NXPE3: variants seen among roughly 807,000 people sequenced by gnomAD.
NXPE3 encodes the protein neurexophilin and PC-esterase domain family member 3.
NXPE3 carries 26 observed loss-of-function variants against 46.1 expected under a neutral mutation model. The observed-to-expected ratio is 0.56, with a 90% confidence interval of 0.41 to 0.78. The LOEUF is 0.78. Among genes scored for constraint, NXPE3 ranks in the 30% least tolerant of loss-of-function variants. The pLI is 0.00. For missense variants in NXPE3, 620 were observed against 686.0 expected, an observed-to-expected ratio of 0.90 and a Z score of 1.07; for synonymous variants, 272 against 257.9, an observed-to-expected ratio of 1.05 and a Z score of -0.52.
At chr3:101,791,322 T>C (rs191804220) in intron 4 of NXPE3, among the ~76,000 whole-genome samples, 2 of 152,350 alleles carry the variant, frequency 1.3e-5, no homozygotes, top group Admixed American at 6.5e-5. Context: ...ATATGTAATA[T>C]AAGATTTTCT....
At chr3:101,794,825 C>G (rs560953764) in intron 4 of NXPE3, among the ~76,000 whole-genome samples, 40 of 152,276 alleles carry the variant, frequency 2.6e-4, no homozygotes, top group Non-Finnish European at 4.6e-4. Flanking sequence ...TACTTTAGTT[C>G]TTGGAAACTT....
Position 101,801,904 on chromosome 3 carries a change from C to A in NXPE3, c.763C>A (p.Leu255Ile). ...EPWFCFKPKK[L>I]PCSSRITHFK... is the part of the protein sequence containing the mutation. ...CTGGTTCTGCTTCAAACCAAAGAAG[C>A]TCCCTTGCAGCAGCAGAATTACCCA... The change falls in exon 5 of 8, where the codon CTC (leucine) becomes ATC (isoleucine). Residue 255 changes from leucine (L) to isoleucine (I), a missense_variant. Physicochemically the swap from Leu to Ile is conservative, Grantham distance 5. This residue lies in a region of NXPE3 where 511 missense variants were observed against 528.6 expected (regional missense o/e 0.97). Coordinates refer to ENST00000273347, the MANE Select transcript of NXPE3 (RefSeq NM_145037.4). 1.2e-6 allele frequency: 2 copies of A among 1,614,160 alleles called. No individual in the cohort carries two copies. The highest frequency in any genetic ancestry group is 1.7e-6 in the Non-Finnish European group (2 of 1,180,006).
rs983109826 is a variant in NXPE3 at position 101,823,204 on chromosome 3, G to C, written c.*1250G>C. Reference sequence around the variant, plus strand: ...ATGAAGAAACTAGGGAGGCTTTAGAGAGGAAGACAGATGCTTGAAGTATGA... The same window carrying C: ...ATGAAGAAACTAGGGAGGCTTTAGACAGGAAGACAGATGCTTGAAGTATGA... On this transcript the variant is annotated 3_prime_UTR_variant, in exon 8 of 8. Coordinates refer to ENST00000273347, the MANE Select transcript of NXPE3 (RefSeq NM_145037.4). 6.6e-6 allele frequency: 1 copy of C among 152,092 alleles called. No individual in the cohort carries two copies. Among genetic ancestry groups the C allele is most frequent in the African/African-American group, 2.4e-5 (1 of 41,378 alleles). 9.4% of individuals were successfully genotyped at this position (152,092 alleles called of 1,614,324 possible).
intron 7 of NXPE3, among the ~76,000 whole-genome samples, chr3:101,818,002 C>T (rs539469193): frequency 3.3e-5 from 5 of 152,228 alleles, no homozygotes; most frequent in African/African-American, 7.2e-5. Context: ...GCGATCCTCC[C>T]ACCTCAGCCT....
chr3:101,807,213 T>C lies in NXPE3; in HGVS notation c.922+87T>C, dbSNP rs1023812549. The stretch of plus-strand genomic sequence containing the variant: ...TCGTTTCATTTATGTTGCAAAAACT[T>C]ATATGCCATAGTTACTTCTGGGCAC... On this transcript the variant is annotated intron_variant, in intron 6 of 7. Coordinates refer to ENST00000273347, the MANE Select transcript of NXPE3 (RefSeq NM_145037.4). 5.1e-5 allele frequency: 46 copies of C among 906,932 alleles called. No individual in the cohort carries two copies. In the African/African-American group the frequency reaches 6.9e-4, roughly 14 times the overall value. 56.2% of individuals were successfully genotyped at this position (906,932 alleles called of 1,614,324 possible). A position where few individuals can be genotyped will look rare whatever the true frequency, so the allele number is the denominator to read the frequency against.
At chr3:101,808,241 A>G (rs566453265) in intron 6 of NXPE3, among the ~76,000 whole-genome samples, 4 of 152,232 alleles carry the variant, frequency 2.6e-5, no homozygotes, top group Non-Finnish European at 4.4e-5. Flanking sequence ...CAGAATAGAT[A>G]TAATTAGCTA....
Position 101,795,788 on chromosome 3 carries a change from G to A in NXPE3, c.94-5447G>A, listed in dbSNP as rs146574986. ...TTGAATAGAAGTCAGTAGATAGGTT[G>A]GGCATAGTTCTTTTGGGAATCAGCC... On this transcript the variant is annotated intron_variant, in intron 4 of 7. Coordinates refer to ENST00000273347, the MANE Select transcript of NXPE3 (RefSeq NM_145037.4). Among the ~76,000 whole-genome samples, 758 of 152,230 alleles carry A rather than the reference G, an allele frequency of 5.0e-3. 9 individuals carry two copies. Among genetic ancestry groups the A allele is most frequent in the African/African-American group, 0.017 (706 of 41,542 alleles).
In NXPE3 at chr3:101,801,447, C is replaced by T; in HGVS notation, c.306C>T (p.Asp102=). Residue 102 remains aspartate (D), a synonymous_variant, in exon 5 of 8, where the codon GAC becomes GAT. Transcript: ENST00000273347. ...VGPVPFVKST[D]PSSSYFVILN... The stretch of plus-strand genomic sequence containing the variant: ...CAGTCCCCTTTGTGAAGAGCACTGA[C>T]CCTTCTTCCAGCTACTTTGTCATCT... The T allele has an allele frequency of 6.2e-7, 1 of 1,614,214 alleles. No homozygotes were observed. The highest frequency in any genetic ancestry group is 8.5e-7 in the Non-Finnish European group (1 of 1,180,054).
chr3:101,787,649 C>T (rs773910324), intron 4 of NXPE3, among the ~76,000 whole-genome samples: 10 of 152,196 alleles, frequency 6.6e-5, no homozygotes, highest in Admixed American at 1.3e-4. Flanking sequence ...GTTAGCATAA[C>T]GTCCCCAAGG....
Position 101,820,897 on chromosome 3 carries a change from A to G in NXPE3, c.1130-507A>G, listed in dbSNP as rs149557732. On this transcript the variant is annotated intron_variant, in intron 7 of 7. Transcript: ENST00000273347. ...GAGTGGGGGAGTTGGGAGGAAGGAG[A>G]GGAGCAGACAAGGTAACTATTGGGT... 4.5e-4 allele frequency among the ~76,000 whole-genome samples: 68 copies of G among 152,296 alleles called. 1 individual carries two copies. Among genetic ancestry groups the G allele is most frequent in the African/African-American group, 1.6e-3 (66 of 41,558 alleles).
At position 101,822,835 on chromosome 3, in the gene NXPE3, TG is replaced by T. The variant is rs1375177345; in HGVS notation, c.*882del. On this transcript the variant is annotated 3_prime_UTR_variant, in exon 8 of 8. Coordinates refer to ENST00000273347, the MANE Select transcript of NXPE3 (RefSeq NM_145037.4). ...GGAAGTTTTTTCCACTAGTTTCAGG[TG>T]TTTTTTTTTTTGTTGTTGTTGTTGT... 4.3e-4 allele frequency: 52 copies of T among 121,658 alleles called. No individual in the cohort carries two copies. The highest frequency in any genetic ancestry group is 1.6e-3 in the African/African-American group (52 of 31,934). 7.5% of individuals were successfully genotyped at this position (121,658 alleles called of 1,614,324 possible).
At chr3:101,794,816 A>C (rs1560043819) in intron 4 of NXPE3, among the ~76,000 whole-genome samples, 1 of 152,206 alleles carries the variant, frequency 6.6e-6, no homozygotes, top group Non-Finnish European at 1.5e-5. Flanking sequence ...CTTTTGTTCT[A>C]CTTTAGTTCT....
chr3:101,799,531 G>T (rs1375889868), intron 4 of NXPE3, among the ~76,000 whole-genome samples: 1 of 151,804 alleles, frequency 6.6e-6, no homozygotes, highest in Non-Finnish European at 1.5e-5. Context: ...GGTTCAAGCA[G>T]TTCTCTCCCT....
intron 4 of NXPE3, among the ~76,000 whole-genome samples, chr3:101,798,925 T>G (rs969154001): frequency 6.6e-6 from 1 of 151,898 alleles, no homozygotes; most frequent in Admixed American, 6.6e-5. Flanking sequence ...CAGCCCAGTT[T>G]TAATTTATAT....
Position 101,807,684 on chromosome 3 carries a change from A to G in NXPE3, c.922+558A>G, listed in dbSNP as rs575295926. Among the ~76,000 whole-genome samples, 3 of 151,930 alleles carry G rather than the reference A, an allele frequency of 2.0e-5. No homozygotes were observed. The South Asian group carries it at 6.2e-4, about 32-fold the overall frequency. ...CAGCCCTCTTCTGTTTGGCTCCTCAAGAGTCTTTTGAACAACCTTGTCCAA... is the reference window on the plus strand; with the variant it reads ...CAGCCCTCTTCTGTTTGGCTCCTCAGGAGTCTTTTGAACAACCTTGTCCAA... On this transcript the variant is annotated intron_variant, in intron 6 of 7. Transcript: ENST00000273347.
rs779515254 is a variant in NXPE3 at position 101,821,706 on chromosome 3, G to A, written c.1432G>A (p.Val478Met). ...VRLLDRSPKT[V>M]VVIRTANAQE... The stretch of plus-strand genomic sequence containing the variant: ...GCTCCTCGATCGAAGCCCAAAGACC[G>A]TGGTGGTCATCCGGACGGCCAACGC... Residue 478 changes from valine (V) to methionine (M), a missense_variant, in exon 8 of 8, where the codon GTG becomes ATG. Val to Met is a conservative substitution (Grantham distance 21, BLOSUM62 1). Coordinates refer to ENST00000273347, the MANE Select transcript of NXPE3 (RefSeq NM_145037.4). The A allele has an allele frequency of 5.0e-5, 80 of 1,614,104 alleles. No individual in the cohort carries two copies. The highest frequency in any genetic ancestry group is 5.8e-5 in the Non-Finnish European group (69 of 1,180,042).
At chr3:101,820,104 T>C (rs949421922) in intron 7 of NXPE3, among the ~76,000 whole-genome samples, 7 of 152,166 alleles carry the variant, frequency 4.6e-5, no homozygotes, top group Non-Finnish European at 8.8e-5. Flanking sequence ...ATTTGGTTGC[T>C]GATATGTGCT....
intron 4 of NXPE3, among the ~76,000 whole-genome samples, chr3:101,791,859 T>C (rs1940537787): frequency 6.6e-6 from 1 of 152,214 alleles, no homozygotes; most frequent in Non-Finnish European, 1.5e-5. Context: ...CTTTGAGGAA[T>C]TGCCATAATG....
Position 101,822,222 on chromosome 3 carries a change from A to C in NXPE3, c.*268A>C. ...TATTGCTCTTGTAACCAAAGATGCT[A>C]ATGAGTGTATTTGAATTAGCTTCTC... is the stretch of plus-strand genomic sequence containing the variant. On this transcript the variant is annotated 3_prime_UTR_variant, in exon 8 of 8. Coordinates refer to ENST00000273347, the MANE Select transcript of NXPE3 (RefSeq NM_145037.4). 1 of 398,674 alleles carries C rather than the reference A, an allele frequency of 2.5e-6. No homozygotes were observed. 24.7% of individuals were successfully genotyped at this position (398,674 alleles called of 1,614,324 possible).
Sources: allele counts gnomAD v4.1 joint callset (sites outside exome capture counted in the v4.1 genomes callset), GRCh38; gene constraint gnomAD v4.1.1; regional missense constraint gnomAD v4.1.1; transcripts MANE v1.5; gene names NCBI Gene and HGNC (gene_info 2026-07-23, HGNC 2026-07-21).